The following AHCTF1 variants were observed in gnomAD, a reference collection of about 807,000 sequenced individuals.
AHCTF1 encodes AT-hook containing transcription factor 1.
AHCTF1 carries 24 observed loss-of-function variants against 248.4 expected under a neutral mutation model. The ratio of observed to expected loss-of-function variants is 0.10; its 90% CI spans 0.07 to 0.14. The LOEUF (loss-of-function observed/expected upper bound fraction) is 0.14. AHCTF1 is among the 10% of genes least tolerant of loss of function. The pLI, the probability that AHCTF1 is intolerant of heterozygous loss-of-function variation, is 1.00. For synonymous variants in AHCTF1, 786 were observed against 929.8 expected (o/e 0.85, Z 2.81); for missense variants, 2,206 against 2,636.2 (o/e 0.84, Z 3.57).
chr1:246,845,635 C>T (rs932060039), intron 33 of AHCTF1, among the ~76,000 whole-genome samples: 3 of 152,200 alleles, frequency 2.0e-5, no homozygotes, highest in African/African-American at 4.8e-5. Flanking sequence ...CAAAAATATA[C>T]TATCACATGC....
chr1:246,846,629 C>A (rs189979929), intron 33 of AHCTF1, among the ~76,000 whole-genome samples: 71 of 151,974 alleles, frequency 4.7e-4, no homozygotes, highest in Admixed American at 3.2e-3. Flanking sequence ...AATTCAAATA[C>A]CCAACAGAAG....
At chr1:246,920,142 C>CAAAAAAA (rs68194249) in intron 1 of AHCTF1, among the ~76,000 whole-genome samples, 18 of 40,798 alleles carry the variant, frequency 4.4e-4, no homozygotes, top group African/African-American at 6.2e-4. Flanking sequence ...CTGTCCCCCG[C>CAAAAAAA]AAAAAAAAAA....
chr1:246,915,843 T>C (rs1157016784), intron 3 of AHCTF1, among the ~76,000 whole-genome samples: 1 of 152,240 alleles, frequency 6.6e-6, no homozygotes, highest in Non-Finnish European at 1.5e-5. Flanking sequence ...GAACAAGATT[T>C]AGATGATACT....
intron 1 of AHCTF1, among the ~76,000 whole-genome samples, chr1:246,924,391 ATT>A (rs1364045342): frequency 6.6e-6 from 1 of 152,100 alleles, no homozygotes; most frequent in Non-Finnish European, 1.5e-5. Flanking sequence ...AGTGCCGTTT[ATT>A]TTTGTGTGAT....
chr1:246,916,516 T>C (rs1232262649), intron 2 of AHCTF1, 121 bp from the exon 3 acceptor site: 5 of 880,064 alleles, frequency 5.7e-6, no homozygotes, highest in Non-Finnish European at 6.9e-6. Flanking sequence ...TATCTCCACA[T>C]TGAAATCTTT....
intron 14 of AHCTF1, 91 bp downstream of exon 14, chr1:246,894,568 A>T: frequency 9.3e-7 from 1 of 1,074,570 alleles, no homozygotes; most frequent in Non-Finnish European, 1.4e-6. Context: ...TTACAACTTC[A>T]AAATGATTAA....
chr1:246,930,988 T>C (rs1453854523), intron 1 of AHCTF1: 63 of 1,249,136 alleles, frequency 5.0e-5, no homozygotes, highest in Non-Finnish European at 6.3e-5. Context: ...GAAACCGTCC[T>C]GTTTCCCAGG....
intron 12 of AHCTF1, 67 bp downstream of exon 12, chr1:246,898,141 T>C (rs1044961858): frequency 1.1e-5 from 17 of 1,586,286 alleles, no homozygotes; most frequent in African/African-American, 4.1e-5. Flanking sequence ...TAATACATTT[T>C]TACTGTAATA....
chr1:246,851,816 G>A (rs543273134), intron 32 of AHCTF1: 8 of 175,840 alleles, frequency 4.5e-5, no homozygotes, highest in Non-Finnish European at 8.5e-5. Context: ...CCCCCAAACT[G>A]TGTTTTAATG....
chr1:246,908,441 T>A (rs1305087767), intron 4 of AHCTF1, among the ~76,000 whole-genome samples: 3 of 151,946 alleles, frequency 2.0e-5, no homozygotes, highest in Non-Finnish European at 4.4e-5. Flanking sequence ...TGAAAATTAG[T>A]ACTTAAGAAA....
intron 5 of AHCTF1, 128 bp downstream of exon 5, chr1:246,907,423 T>G (rs1665471449): frequency 1.3e-6 from 1 of 781,074 alleles, no homozygotes; most frequent in African/African-American, 1.8e-5. Context: ...GTCATCTCAA[T>G]CATTCATTCA....
intron 31 of AHCTF1, among the ~76,000 whole-genome samples, chr1:246,855,090 C>CA (rs1661019624): frequency 6.6e-6 from 1 of 152,212 alleles, no homozygotes; most frequent in East Asian, 1.9e-4. Context: ...AAAGGCATAA[C>CA]AGTTGAGAGC....
Position 246,898,335 on chromosome 1 carries a change from G to A in AHCTF1, c.1496C>T (p.Thr499Ile). 6.2e-7 allele frequency: 1 copy of A among 1,610,830 alleles called. No homozygotes were observed. The highest frequency in any genetic ancestry group is 8.5e-7 in the Non-Finnish European group (1 of 1,178,670). Reference sequence around the variant, plus strand: ...ACCTGATTTCTTTAAAAAAGTCAAAGTCTGTAACAGATAAATTAGTAAGGC... The same window carrying A: ...ACCTGATTTCTTTAAAAAAGTCAAAATCTGTAACAGATAAATTAGTAAGGC... The part of the protein sequence containing the change: ...HLTCTGFQKE[T>I]LTFLKKSGPS... Residue 499 changes from threonine to isoleucine, a missense_variant and splice_region_variant, in exon 12 of 36, where the codon ACT (threonine) becomes ATT (isoleucine). Transcript: ENST00000648844.
intron 32 of AHCTF1, 95 bp from the exon 33 acceptor site, chr1:246,851,537 T>A: frequency 9.3e-7 from 1 of 1,072,630 alleles, no homozygotes. Context: ...GCTGTGTGCC[T>A]TTTAAAACAT....
chr1:246,904,137 A>G (rs1025199856), intron 6 of AHCTF1, 104 bp from the exon 7 acceptor site: 1 of 884,184 alleles, frequency 1.1e-6, no homozygotes, highest in African/African-American at 1.7e-5. Context: ...TGCATGTGAC[A>G]AAACTAAAAT....
At chr1:246,899,661 C>G (rs1664856086) in intron 10 of AHCTF1, 149 bp from the exon 11 acceptor site, 1 of 604,204 alleles carries the variant, frequency 1.7e-6, no homozygotes, top group African/African-American at 1.9e-5. Context: ...GTATTTTCAT[C>G]CTAAGAATAG....
intron 24 of AHCTF1, among the ~76,000 whole-genome samples, chr1:246,874,470 C>A (rs972713406): frequency 4.6e-5 from 7 of 152,106 alleles, no homozygotes; most frequent in African/African-American, 1.7e-4. Context: ...GCTGGGGGAG[C>A]ACTTACCCAA....
intron 21 of AHCTF1, among the ~76,000 whole-genome samples, chr1:246,883,881 T>G (rs371712513): frequency 7.2e-5 from 11 of 152,198 alleles, no homozygotes; most frequent in African/African-American, 2.4e-4. Flanking sequence ...TAAAGGAAAT[T>G]AGAACCTGGC....
intron 1 of AHCTF1, among the ~76,000 whole-genome samples, chr1:246,929,171 G>A (rs1260698864): frequency 6.6e-6 from 1 of 152,166 alleles, no homozygotes; most frequent in African/African-American, 2.4e-5. Flanking sequence ...CACTTTGGTT[G>A]GCCGAGGTGG....
Sources: allele counts gnomAD v4.1 joint callset (sites outside exome capture counted in the v4.1 genomes callset), GRCh38; gene constraint gnomAD v4.1.1; transcripts MANE v1.5; gene names NCBI Gene and HGNC (gene_info 2026-07-23, HGNC 2026-07-21).